SLA: variants seen among roughly 807,000 people sequenced by gnomAD.
SLA encodes the protein src-like-adapter.
A neutral mutation model predicts 30.3 loss-of-function variants in SLA; 16 were observed. That is an observed-to-expected ratio of 0.53 (90% CI 0.36 to 0.80). The LOEUF (loss-of-function observed/expected upper bound fraction) is 0.80, where lower values mean the gene tolerates loss of function less well. Ranked by LOEUF, SLA falls within the 30% of genes least tolerant of loss-of-function variation. The pLI is 0.01. For synonymous variants in SLA, 143 were observed against 137.8 expected (o/e 1.04, Z -0.26); for missense variants, 310 against 345.2 (o/e 0.90, Z 0.81).
intron 3 of SLA, 55 bp from the exon 4 acceptor site, chr8:133,050,970 G>T: frequency 4.0e-6 from 4 of 1,009,816 alleles, no homozygotes; most frequent in East Asian, 4.8e-5. Context: ...TTCACAAGGA[G>T]CTTAAAGGTA....
intron 1 of SLA, among the ~76,000 whole-genome samples, chr8:133,090,878 C>A (rs1031006466): frequency 1.3e-5 from 2 of 152,108 alleles, no homozygotes; most frequent in Non-Finnish European, 2.9e-5. Context: ...CCCCGCACCC[C>A]CCGGGAACAG....
chr8:133,040,310 G>A, intron 7 of SLA, 180 bp from the exon 8 acceptor site: 1 of 653,754 alleles, frequency 1.5e-6, no homozygotes, highest in Non-Finnish European at 2.6e-6. Flanking sequence ...CCAGCTGTTT[G>A]AGAAATGTAA....
intron 1 of SLA, among the ~76,000 whole-genome samples, chr8:133,094,337 T>C (rs1021897445): frequency 3.4e-5 from 5 of 148,884 alleles, no homozygotes; most frequent in Non-Finnish European, 7.4e-5. Flanking sequence ...GCCTCCCGGG[T>C]TCACGCCATT....
rs1434370744 is a variant in SLA, at chr8:133,047,873, T to C, written c.309A>G (p.Thr103=). ...CTCTGATCATGAAGGAGCCGACCTT[T>C]GTGTCTGGCAGCTGCAGCAGCTCCT... is the stretch of plus-strand genomic sequence containing the variant. The part of the protein sequence containing the change: ...KAEELLQLPD[T]KVGSFMIRES... Residue 103 remains threonine (T), a synonymous_variant, in exon 6 of 9, where the codon ACA becomes ACG. Coordinates refer to ENST00000338087, the MANE Select transcript of SLA (RefSeq NM_001045556.3). 5 of 1,612,668 alleles carry C rather than the reference T, an allele frequency of 3.1e-6. No homozygotes were observed. In the African/African-American group the frequency reaches 5.3e-5, roughly 17 times the overall value.
chr8:133,059,840 T>C (rs1430783061), intron 3 of SLA, among the ~76,000 whole-genome samples: 1 of 152,136 alleles, frequency 6.6e-6, no homozygotes, highest in Admixed American at 6.5e-5. Flanking sequence ...GAAAATAAAG[T>C]GATTAAACCA....
At position 133,090,881 on chromosome 8, in the gene SLA, G is replaced by A. The variant is rs148985904; in HGVS notation, c.-319+11672C>T. 4.6e-5 allele frequency among the ~76,000 whole-genome samples: 7 copies of A among 152,156 alleles called. No homozygotes were observed. In the East Asian group the frequency reaches 5.8e-4, roughly 13 times the overall value. ...GCTTTGGCCTCACCCCGCACCCCCC[G>A]GGAACAGAAAGGAACTGTCTGCCAC... On this transcript the variant is annotated intron_variant, in intron 1 of 8. Transcript: ENST00000338087.
At chr8:133,065,592 T>A (rs577324257) in intron 2 of SLA, among the ~76,000 whole-genome samples, 1 of 151,966 alleles carries the variant, frequency 6.6e-6, no homozygotes, top group East Asian at 1.9e-4. Flanking sequence ...AGGAACCCCG[T>A]CTCTACTAAA....
At chr8:133,055,422 A>T (rs181858945) in intron 3 of SLA, among the ~76,000 whole-genome samples, 1 of 151,554 alleles carries the variant, frequency 6.6e-6, no homozygotes, top group East Asian at 2.0e-4. Context: ...TATACATGCA[A>T]CTAACCAATC....
chr8:133,095,771 G>T (rs143648315), intron 1 of SLA, among the ~76,000 whole-genome samples: 1 of 152,206 alleles, frequency 6.6e-6, no homozygotes, highest in South Asian at 2.1e-4. Flanking sequence ...TGGCCTGATC[G>T]CCTTAGCAAT....
Position 133,081,881 on chromosome 8 carries a change from C to A in SLA, c.-318-6751G>T, listed in dbSNP as rs146098379. On this transcript the variant is annotated intron_variant, in intron 1 of 8. Coordinates refer to ENST00000338087, the MANE Select transcript of SLA (RefSeq NM_001045556.3). ...CCTGTGTAAGCCTTCCTGCCTCTGA[C>A]GGATTGTCACACAGGCCCCACTCAA... is the stretch of plus-strand genomic sequence containing the variant. 1.5e-4 allele frequency among the ~76,000 whole-genome samples: 23 copies of A among 152,292 alleles called. No homozygotes were observed. In the East Asian group the frequency reaches 4.4e-3, roughly 29 times the overall value.
intron 3 of SLA, among the ~76,000 whole-genome samples, chr8:133,056,979 C>T (rs1467434349): frequency 6.6e-6 from 1 of 152,168 alleles, no homozygotes; most frequent in Non-Finnish European, 1.5e-5. Context: ...ATCTGCATTT[C>T]AGTTACTTCC....
chr8:133,044,225 G>A (rs1046055565), intron 7 of SLA, among the ~76,000 whole-genome samples: 7 of 152,114 alleles, frequency 4.6e-5, no homozygotes, highest in Non-Finnish European at 1.5e-5. Flanking sequence ...GTAGGGTAAA[G>A]TTCCGATTCC....
chr8:133,043,243 GC>G (rs1241985662), intron 7 of SLA, among the ~76,000 whole-genome samples: 1 of 152,046 alleles, frequency 6.6e-6, no homozygotes, highest in African/African-American at 2.4e-5. Context: ...GGTATTTTTG[GC>G]CTGGTAGCCT....
chr8:133,056,528 G>A (rs1044645146), intron 3 of SLA, among the ~76,000 whole-genome samples: 1 of 152,278 alleles, frequency 6.6e-6, no homozygotes, highest in African/African-American at 2.4e-5. Context: ...ACACTGAGGT[G>A]GGGAGAGGGA....
At chr8:133,083,804 G>A (rs1185913071) in intron 1 of SLA, among the ~76,000 whole-genome samples, 2 of 152,076 alleles carry the variant, frequency 1.3e-5, no homozygotes, top group Admixed American at 1.3e-4. Context: ...ACTCACATGT[G>A]CCCTTCTCAT....
At chr8:133,047,281 A>C (rs940052967) in intron 6 of SLA, 1 of 152,992 alleles carries the variant, frequency 6.5e-6, no homozygotes, top group Admixed American at 6.5e-5. Context: ...TGACTGTGTG[A>C]GAGGACACAT....
chr8:133,037,513 T>C lies in SLA; in HGVS notation c.*1011A>G, dbSNP rs1404940220. ...AGCAGCTGGAAAATGAGCTCCTGAG[T>C]GTCCCTCACCTGTCTCTAATTCCAT... On this transcript the variant is annotated 3_prime_UTR_variant, in exon 9 of 9. Transcript: ENST00000338087. 6.6e-6 allele frequency: 1 copy of C among 152,210 alleles called. No homozygotes were observed. Among genetic ancestry groups the C allele is most frequent in the Non-Finnish European group, 1.5e-5 (1 of 68,036 alleles). The allele number at this position is 152,210 out of a possible 1,614,324, so 9.4% of individuals were successfully genotyped here.
intron 4 of SLA, chr8:133,050,486 G>A: frequency 3.8e-6 from 1 of 264,518 alleles, no homozygotes. Flanking sequence ...CCTGGGGGCT[G>A]CCTTCCCGGT....
intron 1 of SLA, among the ~76,000 whole-genome samples, chr8:133,101,177 G>A (rs1484596732): frequency 1.3e-5 from 2 of 152,060 alleles, no homozygotes; most frequent in Admixed American, 6.6e-5. Context: ...CCCACCATAC[G>A]CAAGCATCAC....
Sources: gnomAD v4.1 joint callset for allele counts (sites outside exome capture counted in the v4.1 genomes callset) on GRCh38, gnomAD v4.1.1 for gene constraint, MANE v1.5 for transcripts, NCBI Gene and HGNC (gene_info 2026-07-23, HGNC 2026-07-21) for gene names.